The following ZNF570 variants were observed in gnomAD, a reference collection of about 807,000 sequenced individuals.
ZNF570 encodes the protein zinc finger protein 570.
ZNF570 carries 8 observed loss-of-function variants against 14.2 expected under a neutral mutation model. The observed-to-expected ratio is 0.56, with a 90% CI of 0.33 to 1.02. The LOEUF (loss-of-function observed/expected upper bound fraction) is 1.02, where lower values mean the gene tolerates loss of function less well. Among genes scored for constraint, ZNF570 ranks in the 50% least tolerant of loss-of-function variants. ZNF570 has a pLI of 0.03. For synonymous variants in ZNF570, 202 were observed against 207.6 expected (o/e 0.97, Z 0.23); for missense variants, 559 against 624.9 (o/e 0.89, Z 1.12).
chr19:37,475,956 C>T lies in ZNF570; in HGVS notation c.109C>T (p.His37Tyr), dbSNP rs1457533307. ...GGATTGTCTGGATTCTTCTCAAAGACATCTGTACAGTAATGTGATGCTAGA... is the reference window on the plus strand; with the variant it reads ...GGATTGTCTGGATTCTTCTCAAAGATATCTGTACAGTAATGTGATGCTAGA... ...EWDCLDSSQR[H>Y]LYSNVMLENY... Residue 37 changes from histidine to tyrosine, a missense_variant, in exon 3 of 5, where the codon CAT (histidine) becomes TAT (tyrosine). Physicochemically the swap from His to Tyr is moderately conservative, Grantham distance 83. Coordinates refer to ENST00000330173, the MANE Select transcript of ZNF570 (RefSeq NM_144694.5). 3.1e-6 allele frequency: 5 copies of T among 1,613,928 alleles called. No homozygotes were observed. The African/African-American group carries it at 5.3e-5, about 17-fold the overall frequency.
At chr19:37,473,453 G>A (rs1236718241) in intron 2 of ZNF570, among the ~76,000 whole-genome samples, 1 of 152,082 alleles carries the variant, frequency 6.6e-6, no homozygotes, top group East Asian at 1.9e-4. Flanking sequence ...CGGGGATGAG[G>A]AACAGTGAAA....
At chr19:37,475,599 G>A (rs922700374) in intron 2 of ZNF570, among the ~76,000 whole-genome samples, 2 of 152,132 alleles carry the variant, frequency 1.3e-5, no homozygotes, top group South Asian at 4.1e-4. Context: ...CTGCCCTCAT[G>A]GAGCTTAAAT....
Position 37,485,097 on chromosome 19 carries a change from A to C in ZNF570, c.1475A>C (p.His492Pro). Residue 492 changes from histidine (H) to proline (P), a missense_variant, in exon 5 of 5, where the codon CAT (histidine) becomes CCT (proline). By Grantham distance (77) the His-to-Pro change is moderately conservative. Coordinates refer to ENST00000330173, the MANE Select transcript of ZNF570 (RefSeq NM_144694.5). ...TCCCTTGCCCAACATCAGAGAATTC[A>C]TACTGGAGAGAGACCCTATGAATGT... ...CGSLAQHQRI[H>P]TGERPYECKE... 6.2e-7 allele frequency: 1 copy of C among 1,614,102 alleles called. No homozygotes were observed. The highest frequency in any genetic ancestry group is 8.5e-7 in the Non-Finnish European group (1 of 1,180,010).
At chr19:37,468,867 T>TC (rs201854255), upstream of ZNF570, 1,114 of 178,478 alleles carry the variant, frequency 6.2e-3, 28 homozygotes, top group East Asian at 0.056. Flanking sequence ...CCACCCTGCA[T>TC]CCCCCCCACC....
chr19:37,477,604 A>C (rs995665122), intron 4 of ZNF570, among the ~76,000 whole-genome samples: 5 of 151,770 alleles, frequency 3.3e-5, no homozygotes, highest in African/African-American at 9.7e-5. Flanking sequence ...AGCCTTCCAA[A>C]GTGCTGGGAT....
intron 2 of ZNF570, among the ~76,000 whole-genome samples, chr19:37,470,695 C>CG (rs1555846039): frequency 2.2e-5 from 2 of 93,010 alleles, no homozygotes; most frequent in Non-Finnish European, 4.1e-5. Flanking sequence ...CTTATTTATT[C>CG]TTTTTTTTTT....
In ZNF570 at chr19:37,475,979, A is replaced by G. The variant is rs765715458; in HGVS notation, c.132A>G (p.Leu44=). The change falls in exon 3 of 5, where the codon CTA becomes CTG. Residue 44 remains leucine (L), a synonymous_variant. Transcript: ENST00000330173. The part of the protein sequence containing the change: ...SQRHLYSNVM[L]ENYRILVSLG... Reference sequence around the variant, plus strand: ...GACATCTGTACAGTAATGTGATGCTAGAGAACTACAGGATCTTGGTATCAC... The same window carrying G: ...GACATCTGTACAGTAATGTGATGCTGGAGAACTACAGGATCTTGGTATCAC... 13 of 1,612,950 alleles carry G rather than the reference A, an allele frequency of 8.1e-6. No homozygotes were observed. The East Asian group carries it at 2.0e-4, about 25-fold the overall frequency.
chr19:37,484,727 C>G lies in ZNF570; in HGVS notation c.1105C>G (p.Leu369Val). ...TAATGTCTGTGGGAAAGCATTTAGCCTTCGTGCATACCTTACTGTACATCA... is the reference window on the plus strand; with the variant it reads ...TAATGTCTGTGGGAAAGCATTTAGCGTTCGTGCATACCTTACTGTACATCA... ...ECNVCGKAFS[L>V]RAYLTVHQRI... The change falls in exon 5 of 5, where the codon CTT (leucine) becomes GTT (valine). Residue 369 changes from leucine to valine, a missense_variant. Physicochemically the swap from Leu to Val is conservative, Grantham distance 32 (BLOSUM62 1). Coordinates refer to ENST00000330173, the MANE Select transcript of ZNF570 (RefSeq NM_144694.5). 1.9e-6 allele frequency: 3 copies of G among 1,613,924 alleles called. No individual in the cohort carries two copies. Among genetic ancestry groups the G allele is most frequent in the Non-Finnish European group, 2.5e-6 (3 of 1,179,980 alleles).
chr19:37,484,082 G>C lies in ZNF570; in HGVS notation c.460G>C (p.Glu154Gln). ...TTTCAAGGAAGAGATAATCACTCATGAAGAACCCCTTTTTGATGAGAGAGA... is the reference window on the plus strand; with the variant it reads ...TTTCAAGGAAGAGATAATCACTCATCAAGAACCCCTTTTTGATGAGAGAGA... Reference protein sequence around the residue: ...ACFKEEIITHEEPLFDEREQE... With the variant: ...ACFKEEIITHQEPLFDEREQE... Residue 154 changes from glutamate (E) to glutamine (Q), a missense_variant, in exon 5 of 5, where the codon GAA (glutamate) becomes CAA (glutamine). By Grantham distance (29) the Glu-to-Gln change is conservative (BLOSUM62 2). Transcript: ENST00000330173. 1 of 1,614,064 alleles carries C rather than the reference G, an allele frequency of 6.2e-7. No individual in the cohort carries two copies. The highest frequency in any genetic ancestry group is 1.1e-5 in the South Asian group (1 of 91,082).
chr19:37,479,009 C>A (rs1370785845), intron 4 of ZNF570, among the ~76,000 whole-genome samples: 4 of 151,102 alleles, frequency 2.6e-5, no homozygotes, highest in Non-Finnish European at 5.9e-5. Context: ...CTCGTAAATT[C>A]TCTTTTTCTT....
rs1452861066 is a variant in ZNF570, at chr19:37,475,877, T to G, written c.34-4T>G. ...ATAAGGTTCTTCCATTTATTTCATT[T>G]CAGGAGTTGGTGACCTTCAGAGATG... On this transcript the variant is annotated splice_polypyrimidine_tract_variant and splice_region_variant and intron_variant, in intron 2 of 4. Coordinates refer to ENST00000330173, the MANE Select transcript of ZNF570 (RefSeq NM_144694.5). The G allele has an allele frequency of 6.2e-7, 1 of 1,608,984 alleles. No individual in the cohort carries two copies. The highest frequency in any genetic ancestry group is 1.7e-5 in the Admixed American group (1 of 58,680).
At chr19:37,470,188 C>G (rs2041932018) in intron 1 of ZNF570, 116 bp from the exon 2 acceptor site, 1 of 852,066 alleles carries the variant, frequency 1.2e-6, no homozygotes, top group Non-Finnish European at 1.8e-6. Context: ...CCATTATGCT[C>G]TCTCTATTGG....
upstream of ZNF570, chr19:37,469,244 A>C: frequency 7.3e-7 from 1 of 1,378,980 alleles, no homozygotes. Flanking sequence ...CGCTGCTGCC[A>C]GACACTGCGA....
At chr19:37,479,893 G>A (rs774064656) in intron 4 of ZNF570, among the ~76,000 whole-genome samples, 2 of 151,914 alleles carry the variant, frequency 1.3e-5, no homozygotes, top group Non-Finnish European at 2.9e-5. Flanking sequence ...AGCAGTATTT[G>A]GATAAACATT....
At position 37,484,116 on chromosome 19, in the gene ZNF570, A is replaced by G. The variant is rs776755395; in HGVS notation, c.494A>G (p.Tyr165Cys). ...CTTTTTGATGAGAGAGAACAAGAAT[A>G]TAAATCTTGGGGAAGTTTTCATCAG... Reference protein sequence around the residue: ...EPLFDEREQEYKSWGSFHQNP... With the variant: ...EPLFDEREQECKSWGSFHQNP... Residue 165 changes from tyrosine to cysteine, a missense_variant, in exon 5 of 5, where the codon TAT becomes TGT. By Grantham distance (194) the Tyr-to-Cys change is radical. Coordinates refer to ENST00000330173, the MANE Select transcript of ZNF570 (RefSeq NM_144694.5). 6.2e-7 allele frequency: 1 copy of G among 1,614,102 alleles called. No homozygotes were observed.
upstream of ZNF570, among the ~76,000 whole-genome samples, chr19:37,468,206 C>A (rs563386887): frequency 1.5e-3 from 225 of 151,718 alleles, no homozygotes; most frequent in Middle Eastern, 3.5e-3. Flanking sequence ...CTGCCTCGGC[C>A]TTCCGAGTAA....
rs1296267907 is a variant in ZNF570 at position 37,482,614 on chromosome 19, A to G, written c.257-1265A>G. Among the ~76,000 whole-genome samples the G allele has an allele frequency of 6.6e-5, 10 of 152,186 alleles. No individual in the cohort carries two copies. The East Asian group carries it at 1.9e-3, about 29-fold the overall frequency. On this transcript the variant is annotated intron_variant, in intron 4 of 4. Coordinates refer to ENST00000330173, the MANE Select transcript of ZNF570 (RefSeq NM_144694.5). Reference sequence around the variant, plus strand: ...GATTACATTTCAACACGAGATTTGGATGGAGCTGTATTACCATCTGTTACG... The same window carrying G: ...GATTACATTTCAACACGAGATTTGGGTGGAGCTGTATTACCATCTGTTACG...
chr19:37,471,176 G>A (rs537272802), intron 2 of ZNF570, among the ~76,000 whole-genome samples: 1 of 150,678 alleles, frequency 6.6e-6, no homozygotes, highest in East Asian at 2.0e-4. Context: ...ACCACGCCTG[G>A]CTAATTTTTT....
chr19:37,484,556 A>C lies in ZNF570; in HGVS notation c.934A>C (p.Ser312Arg). ...YECKVCRKAF[S>R]QFAYLAQHQR... ...ATGTAAGGTATGTCGAAAAGCCTTC[A>C]GCCAGTTTGCCTACCTTGCTCAACA... Residue 312 changes from serine to arginine, a missense_variant, in exon 5 of 5, where the codon AGC (serine) becomes CGC (arginine). Physicochemically the swap from Ser to Arg is moderately radical, Grantham distance 110. Coordinates refer to ENST00000330173, the MANE Select transcript of ZNF570 (RefSeq NM_144694.5). 6.2e-7 allele frequency: 1 copy of C among 1,614,210 alleles called. No individual in the cohort carries two copies. The highest frequency in any genetic ancestry group is 8.5e-7 in the Non-Finnish European group (1 of 1,180,034).
Sources: gnomAD v4.1 joint callset for allele counts (sites outside exome capture counted in the v4.1 genomes callset) on GRCh38, gnomAD v4.1.1 for gene constraint, MANE v1.5 for transcripts, NCBI Gene and HGNC (gene_info 2026-07-23, HGNC 2026-07-21) for gene names.